The following NPIPB9 variants were observed in gnomAD, a reference collection of about 807,000 sequenced individuals.
NPIPB9 encodes nuclear pore complex interacting protein family member B9, also known as nuclear pore complex-interacting protein family member B9.
NPIPB9 carries 1 observed loss-of-function variant against 5.6 expected under a neutral mutation model. That is an observed-to-expected ratio of 0.18 (90% confidence interval 0.06 to 0.84). NPIPB9 has a LOEUF of 0.84. NPIPB9 is among the 40% of genes least tolerant of loss of function. The probability of loss-of-function intolerance (pLI) is 0.70; values close to 1 mark genes in which losing one functional copy is unlikely to be tolerated. For missense variants in NPIPB9, 3 were observed against 39.1 expected, an observed-to-expected ratio of 0.08 and a Z score of 2.46; for synonymous variants, 2 against 12.5, an observed-to-expected ratio of 0.16 and a Z score of 1.77.
At chr16:28,758,578 C>G in intron 2 of NPIPB9, 1 of 77,656 alleles carries the variant, frequency 1.3e-5, no homozygotes, top group Non-Finnish European at 2.5e-5. Flanking sequence ...TCCCCTTCCC[C>G]TCCCCCTCCC....
At chr16:28,758,494 T>C in intron 2 of NPIPB9, 2 of 82,548 alleles carry the variant, frequency 2.4e-5, no homozygotes, top group African/African-American at 5.2e-5. Context: ...ACAGCCCCCT[T>C]CTCCTTTCCC....
chr16:28,756,441 G>C (rs1305529268), intron 1 of NPIPB9, among the ~76,000 whole-genome samples: 2 of 113,046 alleles, frequency 1.8e-5, no homozygotes, highest in African/African-American at 5.8e-5. Context: ...CTAACCTCGT[G>C]ATCCGCCTGC....
intron 5 of NPIPB9, among the ~76,000 whole-genome samples, chr16:28,767,222 G>T (rs1371543690): frequency 2.4e-5 from 2 of 82,432 alleles, no homozygotes; most frequent in Admixed American, 1.4e-4. Flanking sequence ...TTGAGACAGA[G>T]TCTCACTCTG....
chr16:28,753,507 T>TACACAC (rs1214843854), intron 1 of NPIPB9, among the ~76,000 whole-genome samples: 10 of 64,218 alleles, frequency 1.6e-4, no homozygotes, highest in African/African-American at 5.8e-4. Flanking sequence ...TTTATATAGA[T>TACACAC]ACACACACAC....
At chr16:28,760,772 C>A (rs1299988845) in intron 2 of NPIPB9, among the ~76,000 whole-genome samples, 881 of 25,250 alleles carry the variant, frequency 0.035, 311 homozygotes, top group South Asian at 0.089. Flanking sequence ...TAGAGGGATT[C>A]TTTTACCATG....
At chr16:28,765,555 G>T (rs2049149770) in intron 3 of NPIPB9, among the ~76,000 whole-genome samples, 1 of 31,168 alleles carries the variant, frequency 3.2e-5, no homozygotes, top group African/African-American at 1.1e-4. Flanking sequence ...GGGACTACAG[G>T]CATGCACCAC....
At chr16:28,753,177 C>CAA (rs768080083) in intron 1 of NPIPB9, among the ~76,000 whole-genome samples, 71 of 42,736 alleles carry the variant, frequency 1.7e-3, no homozygotes, top group Non-Finnish European at 2.0e-3. Context: ...GAGACTCTGT[C>CAA]AAAAAAAAAA....
chr16:28,753,363 T>C lies in NPIPB9; in HGVS notation c.25+771T>C, dbSNP rs1290665557. Among the ~76,000 whole-genome samples, 2 of 68,126 alleles carry C rather than the reference T, an allele frequency of 2.9e-5. 1 individual carries two copies. Among genetic ancestry groups the C allele is most frequent in the African/African-American group, 1.0e-4 (2 of 19,264 alleles). The allele number at this position is 68,126 out of a possible 152,430, so 44.7% of individuals were successfully genotyped here. On this transcript the variant is annotated intron_variant, in intron 1 of 7. Coordinates refer to ENST00000550983, the Ensembl canonical transcript of NPIPB9. Reference sequence around the variant, plus strand: ...TACTACATGTAATACATATTTTTTATTCTCCTTCATTTGTTTTGAATGCTC... The same window carrying C: ...TACTACATGTAATACATATTTTTTACTCTCCTTCATTTGTTTTGAATGCTC...
intron 1 of NPIPB9, among the ~76,000 whole-genome samples, chr16:28,756,197 T>A (rs1235457109): frequency 9.9e-6 from 1 of 101,064 alleles, no homozygotes; most frequent in Non-Finnish European, 2.2e-5. Flanking sequence ...TCTAGGGCTT[T>A]TTTTTTTTTT....
At position 28,752,414 on chromosome 16, in the gene NPIPB9, T is replaced by C; in HGVS notation, c.-154T>C. On this transcript the variant is annotated 5_prime_UTR_variant, in exon 1 of 8. Coordinates refer to ENST00000550983, the Ensembl canonical transcript of NPIPB9. ...TTGTTTTTCCACTCATTCAACACTTTTTTTTTAAATTATCTAATAGGTTGG... is the reference window on the plus strand; with the variant it reads ...TTGTTTTTCCACTCATTCAACACTTCTTTTTTAAATTATCTAATAGGTTGG... 3 of 1,393,222 alleles carry C rather than the reference T, an allele frequency of 2.2e-6. No individual in the cohort carries two copies. In the South Asian group the frequency reaches 3.7e-5, roughly 17 times the overall value. The allele number at this position is 1,393,222 out of a possible 1,614,324, so 86.3% of individuals were successfully genotyped here.
At chr16:28,752,539 G>T in exon 1 of NPIPB9, 2 of 1,374,578 alleles carry the variant, frequency 1.5e-6, no homozygotes, top group Non-Finnish European at 2.0e-6. Flanking sequence ...GTTCACCAAG[G>T]AGCTGCAGCA....
intron 3 of NPIPB9, among the ~76,000 whole-genome samples, chr16:28,765,478 C>A (rs1442876022): frequency 9.9e-5 from 3 of 30,308 alleles, no homozygotes; most frequent in African/African-American, 5.1e-4. Context: ...ATGGCACAAT[C>A]TCAGCTCACC....
intron 5 of NPIPB9, among the ~76,000 whole-genome samples, 191 bp downstream of exon 4, chr16:28,766,680 A>AT (rs1260371784): frequency 2.9e-5 from 3 of 102,248 alleles, no homozygotes; most frequent in African/African-American, 8.4e-5. Flanking sequence ...CTTGTTTGTA[A>AT]TTTTTTCGGG....
intron 2 of NPIPB9, among the ~76,000 whole-genome samples, chr16:28,758,441 TTTC>T (rs1237834348): frequency 5.7e-5 from 7 of 123,716 alleles, no homozygotes; most frequent in East Asian, 2.4e-4. Context: ...CCCAGACCCC[TTTC>T]TTCTTCTCCT....
chr16:28,765,101 A>ATTT (rs1160508157), intron 3 of NPIPB9, among the ~76,000 whole-genome samples: 49 of 40,136 alleles, frequency 1.2e-3, no homozygotes, highest in African/African-American at 3.8e-3. Context: ...TATTCATGTC[A>ATTT]TTTTTTTTTT....
At chr16:28,754,796 G>A (rs1428905729) in intron 1 of NPIPB9, among the ~76,000 whole-genome samples, 2 of 143,022 alleles carry the variant, frequency 1.4e-5, no homozygotes, top group Non-Finnish European at 3.1e-5. Flanking sequence ...TTTATCCTCA[G>A]CCAGGTGGAG....
intron 5 of NPIPB9, chr16:28,769,710 G>C (rs1419592726): frequency 7.0e-6 from 6 of 858,414 alleles, no homozygotes; most frequent in African/African-American, 1.9e-5. Context: ...GCGAGAGAGA[G>C]TTCACAAAAC....
Position 28,767,330 on chromosome 16 carries a change from G to A in NPIPB9, c.590+841G>A, listed in dbSNP as rs930651249. ...TATCCCTCAGCCTCTTGAGTAGCTG[G>A]GACTACAGGCATATGCCACCATGCC... On this transcript the variant is annotated intron_variant, in intron 5 of 7. Transcript: ENST00000550983. 2.0e-5 allele frequency among the ~76,000 whole-genome samples: 2 copies of A among 101,038 alleles called. 1 individual carries two copies. The highest frequency in any genetic ancestry group is 4.3e-5 in the Non-Finnish European group (2 of 46,008). 66.3% of individuals were successfully genotyped at this position (101,038 alleles called of 152,430 possible). A position where few individuals can be genotyped will look rare whatever the true frequency, so the allele number is the denominator to read the frequency against.
chr16:28,765,403 ATT>A (rs1206825669), intron 3 of NPIPB9, among the ~76,000 whole-genome samples: 7 of 34,236 alleles, frequency 2.0e-4, no homozygotes, highest in Middle Eastern at 0.023. Context: ...CACCTGGGCT[ATT>A]TTTTTTTTTT....
Sources: gnomAD v4.1 joint callset for allele counts (sites outside exome capture counted in the v4.1 genomes callset) on GRCh38, gnomAD v4.1.1 for gene constraint, MANE v1.5 for transcripts, NCBI Gene and HGNC (gene_info 2026-07-23, HGNC 2026-07-21) for gene names.